The following VWA8 variants were observed in gnomAD, a reference collection of about 807,000 sequenced individuals.
VWA8 encodes von Willebrand factor A domain containing 8.
Under a neutral mutation model 241.5 loss-of-function variants are expected in VWA8, and 221 were observed. The ratio of observed to expected loss-of-function variants is 0.91; its 90% CI spans 0.82 to 1.02. The LOEUF (loss-of-function observed/expected upper bound fraction) is 1.02, where lower values mean the gene tolerates loss of function less well. Among genes scored for constraint, VWA8 ranks in the 50% least tolerant of loss-of-function variants. The pLI is 0.00. For synonymous variants in VWA8, 852 were observed against 827.1 expected (o/e 1.03, Z -0.52); for missense variants, 2,322 against 2,328.7 (o/e 1.00, Z 0.06).
chr13:41,904,031 T>C (rs981093218), intron 4 of VWA8, among the ~76,000 whole-genome samples: 1 of 152,016 alleles, frequency 6.6e-6, no homozygotes, highest in African/African-American at 2.4e-5. Context: ...CAACAAAACA[T>C]AAGAGTGTAA....
At chr13:41,936,261 T>C (rs192818643) in intron 2 of VWA8, among the ~76,000 whole-genome samples, 359 of 152,278 alleles carry the variant, frequency 2.4e-3, no homozygotes, top group African/African-American at 8.2e-3. Flanking sequence ...TGCTATATAA[T>C]TTCCATCTCT....
At chr13:41,573,438 C>T (rs76275142) in intron 43 of VWA8, among the ~76,000 whole-genome samples, 23,312 of 141,658 alleles carry the variant, frequency 0.16, 2,071 homozygotes, top group Admixed American at 0.25. Context: ...AAGAATAAGA[C>T]CTAGTGTTAG....
chr13:41,839,771 T>C (rs370380669), intron 12 of VWA8, among the ~76,000 whole-genome samples: 66 of 152,216 alleles, frequency 4.3e-4, no homozygotes, highest in African/African-American at 1.5e-3. Context: ...TTGGTTACTG[T>C]AGACTTGTAG....
At chr13:41,918,076 A>G (rs537511460) in intron 2 of VWA8, among the ~76,000 whole-genome samples, 4 of 152,328 alleles carry the variant, frequency 2.6e-5, no homozygotes, top group Non-Finnish European at 5.9e-5. Context: ...AACACGAACT[A>G]ACTGAACTAA....
intron 3 of VWA8, among the ~76,000 whole-genome samples, chr13:41,909,076 A>T (rs1193786413): frequency 4.2e-5 from 6 of 143,652 alleles, no homozygotes; most frequent in African/African-American, 1.6e-4. Flanking sequence ...TTTTTTTGAG[A>T]TAGTCTCACT....
intron 20 of VWA8, among the ~76,000 whole-genome samples, chr13:41,777,784 T>C (rs192831025): frequency 6.0e-4 from 92 of 152,288 alleles, no homozygotes; most frequent in African/African-American, 2.1e-3. Flanking sequence ...AGAATGTACA[T>C]AACTTGATGA....
intron 19 of VWA8, among the ~76,000 whole-genome samples, chr13:41,779,348 G>A (rs1362209421): frequency 6.6e-6 from 1 of 151,472 alleles, no homozygotes; most frequent in African/African-American, 2.4e-5. Context: ...AAGAAAAACT[G>A]AGAAAGTGTT....
At chr13:41,893,492 T>C (rs1290520668) in intron 4 of VWA8, among the ~76,000 whole-genome samples, 1 of 148,664 alleles carries the variant, frequency 6.7e-6, no homozygotes, top group Non-Finnish European at 1.5e-5. Flanking sequence ...TGGGTAGAAG[T>C]GACTTAGTAG....
At chr13:41,926,537 T>G (rs1162787920) in intron 2 of VWA8, 1 of 540,408 alleles carries the variant, frequency 1.9e-6, no homozygotes, top group Middle Eastern at 3.8e-4. Context: ...TGAAACTGGA[T>G]GCCAGTTCCA....
chr13:41,578,308 T>G (rs1411374416), intron 42 of VWA8, among the ~76,000 whole-genome samples: 1 of 152,158 alleles, frequency 6.6e-6, no homozygotes, highest in Admixed American at 6.6e-5. Flanking sequence ...CAGGCCCTGG[T>G]TTCTCATCTT....
At chr13:41,617,355 G>T (rs976983976) in intron 37 of VWA8, among the ~76,000 whole-genome samples, 1 of 152,040 alleles carries the variant, frequency 6.6e-6, no homozygotes, top group Non-Finnish European at 1.5e-5. Context: ...CTGACCTCAA[G>T]TGATCCACCC....
At chr13:41,609,829 C>T (rs540928737) in intron 39 of VWA8, among the ~76,000 whole-genome samples, 76 of 152,274 alleles carry the variant, frequency 5.0e-4, no homozygotes, top group Non-Finnish European at 1.0e-3. Context: ...TTCTCTGCAG[C>T]ATTTACTAGA....
intron 2 of VWA8, among the ~76,000 whole-genome samples, chr13:41,934,773 C>A (rs981339863): frequency 8.6e-5 from 13 of 151,892 alleles, no homozygotes; most frequent in African/African-American, 3.1e-4. Context: ...TACAAAGAGG[C>A]ACAAGTAAGC....
chr13:41,739,819 G>GTTTTTTGGTTTTTTTTTTTTTTTTTTTT (rs2045552801), intron 21 of VWA8, among the ~76,000 whole-genome samples: 1 of 74,954 alleles, frequency 1.3e-5, no homozygotes, highest in African/African-American at 5.8e-5. Context: ...CAGTATCATT[G>GTTTTTTGGTTTTTTTTTTTTTTTTTTTT]TTTTTTTGTT....
chr13:41,863,315 G>A lies in VWA8; in HGVS notation c.1425+2421C>T, dbSNP rs1469854186. Among the ~76,000 whole-genome samples, 3 of 150,028 alleles carry A rather than the reference G, an allele frequency of 2.0e-5. 1 individual carries two copies. Among genetic ancestry groups the A allele is most frequent in the African/African-American group, 7.5e-5 (3 of 40,144 alleles). Reference sequence around the variant, plus strand: ...TCCTCAAGCTTGCAGACAGCCTATTGTGGGACCTTGTGATGGTGTAAGTTA... The same window carrying A: ...TCCTCAAGCTTGCAGACAGCCTATTATGGGACCTTGTGATGGTGTAAGTTA... On this transcript the variant is annotated intron_variant, in intron 12 of 44. Coordinates refer to ENST00000379310, the MANE Select transcript of VWA8 (RefSeq NM_015058.2).
chr13:41,912,379 G>A (rs1876053404), intron 2 of VWA8, among the ~76,000 whole-genome samples: 1 of 151,908 alleles, frequency 6.6e-6, no homozygotes, highest in Admixed American at 6.6e-5. Flanking sequence ...TTTTCACATA[G>A]TTTTACAATA....
chr13:41,733,739 T>C (rs1423025104), intron 21 of VWA8, among the ~76,000 whole-genome samples: 2 of 152,114 alleles, frequency 1.3e-5, no homozygotes, highest in African/African-American at 2.4e-5. Flanking sequence ...CAAGTACTTA[T>C]TTTACTATCT....
intron 2 of VWA8, among the ~76,000 whole-genome samples, chr13:41,937,177 T>C (rs376981777): frequency 1.3e-5 from 2 of 152,186 alleles, no homozygotes. Flanking sequence ...ACCTTTTTGA[T>C]ACCAGGGAAG....
At chr13:41,960,419 G>T (rs1878555847) in intron 1 of VWA8, among the ~76,000 whole-genome samples, 3 of 152,170 alleles carry the variant, frequency 2.0e-5, no homozygotes, top group Admixed American at 2.0e-4. Context: ...CTTCTAAGCC[G>T]CCACAAGCCC....
Sources: allele counts gnomAD v4.1 joint callset (sites outside exome capture counted in the v4.1 genomes callset), GRCh38; gene constraint gnomAD v4.1.1; transcripts MANE v1.5; gene names NCBI Gene and HGNC (gene_info 2026-07-23, HGNC 2026-07-21).